The following TNIK variants were observed in gnomAD, a reference collection of about 807,000 sequenced individuals.
TNIK encodes the protein TRAF2 and NCK-interacting protein kinase.
A neutral mutation model predicts 191.3 loss-of-function variants in TNIK; 49 were observed. The observed-to-expected ratio is 0.26, with a 90% CI of 0.20 to 0.32. The LOEUF (loss-of-function observed/expected upper bound fraction) is 0.32, where lower values mean the gene tolerates loss of function less well. TNIK is among the 10% of genes least tolerant of loss of function. TNIK has a pLI of 1.00. For synonymous variants in TNIK, 594 were observed against 600.9 expected, an observed-to-expected ratio of 0.99 and a Z score of 0.17; for missense variants, 1,155 against 1,702.3, an observed-to-expected ratio of 0.68 and a Z score of 5.66.
At chr3:171,416,389 G>A (rs1264662736) in intron 1 of TNIK, among the ~76,000 whole-genome samples, 4 of 152,092 alleles carry the variant, frequency 2.6e-5, no homozygotes, top group Admixed American at 2.0e-4. Flanking sequence ...CAACTGGACA[G>A]GTCTCTTCAA....
At chr3:171,107,702 G>A (rs1725137878) in intron 20 of TNIK, among the ~76,000 whole-genome samples, 1 of 152,202 alleles carries the variant, frequency 6.6e-6, no homozygotes, top group South Asian at 2.1e-4. Flanking sequence ...ATAATATGGG[G>A]AAAGAGTAGA....
At chr3:171,445,811 T>A (rs1164148667) in intron 1 of TNIK, among the ~76,000 whole-genome samples, 1 of 152,212 alleles carries the variant, frequency 6.6e-6, no homozygotes, top group Non-Finnish European at 1.5e-5. Flanking sequence ...AGATGGACAT[T>A]ACTAAACCAC....
At chr3:171,177,007 T>C (rs1736042167) in intron 8 of TNIK, among the ~76,000 whole-genome samples, 1 of 152,298 alleles carries the variant, frequency 6.6e-6, no homozygotes, top group Non-Finnish European at 1.5e-5. Flanking sequence ...GTCTTGTGAG[T>C]TGGTCACAGT....
At chr3:171,416,967 T>G (rs1193022634) in intron 1 of TNIK, among the ~76,000 whole-genome samples, 3 of 152,154 alleles carry the variant, frequency 2.0e-5, no homozygotes, top group Middle Eastern at 3.2e-3. Flanking sequence ...TTACATAGAG[T>G]ACATAGCTCA....
chr3:171,157,377 G>T, intron 12 of TNIK, 83 bp downstream of exon 12: 1 of 1,480,056 alleles, frequency 6.8e-7, no homozygotes, highest in South Asian at 1.3e-5. Context: ...GCTCACAGGT[G>T]GGATGTGGGC....
At chr3:171,264,639 G>A (rs889597032) in intron 2 of TNIK, among the ~76,000 whole-genome samples, 3 of 152,102 alleles carry the variant, frequency 2.0e-5, no homozygotes, top group East Asian at 1.9e-4. Flanking sequence ...CCCCCATCCC[G>A]GGTTCCCTCA....
chr3:171,106,244 C>T (rs190005210), intron 21 of TNIK, among the ~76,000 whole-genome samples: 5 of 152,312 alleles, frequency 3.3e-5, no homozygotes, highest in Admixed American at 2.0e-4. Flanking sequence ...TGCTTTCACA[C>T]ACATTACCTT....
At chr3:171,150,033 G>C (rs568823757) in intron 12 of TNIK, among the ~76,000 whole-genome samples, 1 of 152,098 alleles carries the variant, frequency 6.6e-6, no homozygotes, top group Non-Finnish European at 1.5e-5. Flanking sequence ...GGGCCTGGGA[G>C]TGTGGTCCAG....
intron 2 of TNIK, among the ~76,000 whole-genome samples, chr3:171,264,111 C>CACACACACACACAT (rs1257639293): frequency 1.6e-5 from 1 of 61,016 alleles, no homozygotes; most frequent in East Asian, 3.6e-4. Flanking sequence ...CACACACACA[C>CACACACACACACAT]ATATATATAT....
At chr3:171,275,909 T>C (rs925943983) in intron 2 of TNIK, among the ~76,000 whole-genome samples, 1 of 150,930 alleles carries the variant, frequency 6.6e-6, no homozygotes, top group Non-Finnish European at 1.5e-5. Flanking sequence ...AATAAATAAA[T>C]AAATAAATAA....
intron 4 of TNIK, among the ~76,000 whole-genome samples, chr3:171,204,272 G>A (rs1739782973): frequency 6.6e-6 from 1 of 152,164 alleles, no homozygotes; most frequent in Non-Finnish European, 1.5e-5. Flanking sequence ...ATCTGAAGTA[G>A]TTGTATTTCC....
chr3:171,435,328 C>T (rs539031228), intron 1 of TNIK, among the ~76,000 whole-genome samples: 1 of 152,216 alleles, frequency 6.6e-6, no homozygotes, highest in African/African-American at 2.4e-5. Flanking sequence ...ATCTATTCTA[C>T]CTCCCCCATG....
intron 1 of TNIK, among the ~76,000 whole-genome samples, chr3:171,412,708 T>C (rs1043547712): frequency 5.9e-5 from 9 of 152,350 alleles, no homozygotes; most frequent in African/African-American, 2.2e-4. Flanking sequence ...AAGACTGATA[T>C]CTAAGTCTAA....
At chr3:171,124,014 G>A (rs1728138542) in intron 17 of TNIK, among the ~76,000 whole-genome samples, 1 of 152,124 alleles carries the variant, frequency 6.6e-6, no homozygotes, top group African/African-American at 2.4e-5. Context: ...GACCTCTCTT[G>A]GTTGGGCAAA....
At position 171,139,465 on chromosome 3, in the gene TNIK, A is replaced by G. The variant is rs372012110; in HGVS notation, c.1419+5T>C. On this transcript the variant is annotated splice_donor_5th_base_variant and intron_variant, in intron 14 of 32. Coordinates refer to ENST00000436636, the MANE Select transcript of TNIK (RefSeq NM_015028.4). ...AGGTCAGCTGGTTCTTGGCTTTCTC[A>G]TTACCAGAAGTAGAGCTTGTTCATG... The G allele has an allele frequency of 6.2e-7, 1 of 1,611,524 alleles. No individual in the cohort carries two copies. Among genetic ancestry groups the G allele is most frequent in the African/African-American group, 1.3e-5 (1 of 74,850 alleles).
At chr3:171,164,520 AC>A (rs1734378345) in intron 10 of TNIK, among the ~76,000 whole-genome samples, 1 of 152,212 alleles carries the variant, frequency 6.6e-6, no homozygotes, top group African/African-American at 2.4e-5. Context: ...TTAGTAGTAT[AC>A]TCTCAATCTT....
intron 18 of TNIK, among the ~76,000 whole-genome samples, chr3:171,118,442 A>C (rs1382625357): frequency 6.6e-6 from 1 of 152,224 alleles, no homozygotes; most frequent in African/African-American, 2.4e-5. Flanking sequence ...AAACTACTTT[A>C]AAGTTCATAT....
At chr3:171,276,131 G>T (rs1240855286) in intron 2 of TNIK, among the ~76,000 whole-genome samples, 1 of 152,070 alleles carries the variant, frequency 6.6e-6, no homozygotes, top group Non-Finnish European at 1.5e-5. Flanking sequence ...TTTCATCTTA[G>T]AATTCTATAT....
At chr3:171,235,928 G>A (rs140891142) in intron 2 of TNIK, among the ~76,000 whole-genome samples, 80 of 152,252 alleles carry the variant, frequency 5.3e-4, no homozygotes, top group African/African-American at 1.9e-3. Context: ...ATGTGAGGGT[G>A]TATAGCCCTT....
Sources: allele counts gnomAD v4.1 joint callset (sites outside exome capture counted in the v4.1 genomes callset), GRCh38; gene constraint gnomAD v4.1.1; transcripts MANE v1.5; gene names NCBI Gene and HGNC (gene_info 2026-07-23, HGNC 2026-07-21).